Variants in STN1 observed in about 807,000 individuals in gnomAD.
STN1 encodes CST complex subunit STN1.
Under a neutral mutation model 45.5 loss-of-function variants are expected in STN1, and 29 were observed. That is an observed-to-expected ratio of 0.64 (90% CI 0.47 to 0.87). The LOEUF (loss-of-function observed/expected upper bound fraction) is 0.87, where lower values mean the gene tolerates loss of function less well. STN1 is among the 40% of genes least tolerant of loss of function. The probability of loss-of-function intolerance (pLI) is 0.00; values close to 1 mark genes in which losing one functional copy is unlikely to be tolerated. For synonymous variants in STN1, 148 were observed against 159.0 expected (o/e 0.93, Z 0.52); for missense variants, 376 against 441.4 (o/e 0.85, Z 1.33).
intron 3 of STN1, 59 bp downstream of exon 3, chr10:103,910,468 T>C (rs1237191972): frequency 8.4e-7 from 1 of 1,192,884 alleles, no homozygotes; most frequent in East Asian, 2.4e-5. Context: ...AAATCCAACT[T>C]TCAGCCCAGA....
At chr10:103,884,962 A>C (rs1324691974) in intron 9 of STN1, among the ~76,000 whole-genome samples, 1 of 152,084 alleles carries the variant, frequency 6.6e-6, no homozygotes, top group African/African-American at 2.4e-5. Flanking sequence ...CTTCCTGAAC[A>C]CCTACTATGT....
At position 103,882,418 on chromosome 10, in the gene STN1, G is replaced by A. The variant is rs968554561; in HGVS notation, c.*266C>T. 2.6e-5 allele frequency: 10 copies of A among 378,202 alleles called. No homozygotes were observed. Among genetic ancestry groups the A allele is most frequent in the African/African-American group, 1.2e-4 (6 of 49,098 alleles). The allele number at this position is 378,202 out of a possible 1,614,324, so 23.4% of individuals were successfully genotyped here. A position where few individuals can be genotyped will look rare whatever the true frequency, so the allele number is the denominator to read the frequency against. On this transcript the variant is annotated 3_prime_UTR_variant, in exon 10 of 10. Coordinates refer to ENST00000224950, the MANE Select transcript of STN1 (RefSeq NM_024928.5). ...CTCCCCATTCTGCTCTGCGAACAAC[G>A]CACAGTCCAGCCAGGAGCTCAACAG...
At chr10:103,889,947 C>T (rs1196602020) in intron 8 of STN1, among the ~76,000 whole-genome samples, 1 of 152,022 alleles carries the variant, frequency 6.6e-6, no homozygotes, top group Non-Finnish European at 1.5e-5. Flanking sequence ...CAAGTGATTC[C>T]ACCCGACTTG....
At chr10:103,915,131 T>A (rs1310489922) in intron 2 of STN1, among the ~76,000 whole-genome samples, 2 of 152,248 alleles carry the variant, frequency 1.3e-5, no homozygotes, top group Admixed American at 1.3e-4. Context: ...ACAAAGCTTC[T>A]GTGTCCTTGA....
At chr10:103,917,441 C>T (rs777813212) in intron 2 of STN1, 21 bp downstream of exon 2, 2 of 1,609,472 alleles carry the variant, frequency 1.2e-6, no homozygotes, top group Admixed American at 3.3e-5. Context: ...CCAGGGCATC[C>T]CAGGGTGGCT....
intron 9 of STN1, among the ~76,000 whole-genome samples, chr10:103,888,273 A>C (rs1843116694): frequency 6.6e-6 from 1 of 152,198 alleles, no homozygotes; most frequent in Admixed American, 6.5e-5. Flanking sequence ...CTGGAGGTGG[A>C]GTTCACTGGC....
rs1231033029 is a variant in STN1, at chr10:103,878,001, A to T, written c.*4683T>A. ...TACTTGGTTTCAGTCCTTGGCACTA[A>T]GTCTTAGGTTCCTTGTCACTGAACA... On this transcript the variant is annotated 3_prime_UTR_variant, in exon 10 of 10. Coordinates refer to ENST00000224950, the MANE Select transcript of STN1 (RefSeq NM_024928.5). 6.6e-6 allele frequency: 1 copy of T among 152,258 alleles called. No homozygotes were observed. Among genetic ancestry groups the T allele is most frequent in the Non-Finnish European group, 1.5e-5 (1 of 68,046 alleles). The allele number at this position is 152,258 out of a possible 1,614,324, so 9.4% of individuals were successfully genotyped here.
At chr10:103,896,959 T>C (rs1300017930) in intron 7 of STN1, among the ~76,000 whole-genome samples, 1 of 152,190 alleles carries the variant, frequency 6.6e-6, no homozygotes, top group African/African-American at 2.4e-5. Flanking sequence ...AGAAGCCAAG[T>C]GACAGGGAAG....
intron 3 of STN1, among the ~76,000 whole-genome samples, chr10:103,910,205 G>C (rs1469358647): frequency 4.6e-5 from 7 of 152,154 alleles, no homozygotes; most frequent in Non-Finnish European, 1.0e-4. Context: ...ACCACGCTTT[G>C]CTATTTACAG....
intron 2 of STN1, among the ~76,000 whole-genome samples, chr10:103,912,392 A>C (rs1359527143): frequency 6.6e-6 from 1 of 152,116 alleles, no homozygotes; most frequent in African/African-American, 2.4e-5. Flanking sequence ...TCACAATTGA[A>C]ACTTAGTCTT....
At chr10:103,897,759 T>C in intron 6 of STN1, 40 bp from the exon 7 acceptor site, 1 of 1,596,966 alleles carries the variant, frequency 6.3e-7, no homozygotes, top group Non-Finnish European at 8.5e-7. Context: ...CAGAAAACCA[T>C]CACCTTTGTT....
intron 4 of STN1, 126 bp from the exon 5 acceptor site, chr10:103,900,349 T>C: frequency 1.1e-6 from 1 of 912,808 alleles, no homozygotes; most frequent in Non-Finnish European, 1.6e-6. Flanking sequence ...TGAGTAATTG[T>C]TCTACTGTTG....
At chr10:103,908,481 G>A (rs933522017) in intron 3 of STN1, among the ~76,000 whole-genome samples, 2 of 152,232 alleles carry the variant, frequency 1.3e-5, no homozygotes, top group African/African-American at 4.8e-5. Flanking sequence ...CAGGCCTGCG[G>A]TGAGTCAGGG....
At chr10:103,887,045 A>G (rs1843107969) in intron 9 of STN1, among the ~76,000 whole-genome samples, 1 of 152,230 alleles carries the variant, frequency 6.6e-6, no homozygotes, top group South Asian at 2.1e-4. Context: ...AATGACTTCA[A>G]GTCCTTCTAC....
chr10:103,901,387 T>G (rs923336133), intron 4 of STN1, among the ~76,000 whole-genome samples: 2 of 152,196 alleles, frequency 1.3e-5, no homozygotes, highest in Non-Finnish European at 2.9e-5. Flanking sequence ...AAATTTTTAC[T>G]TTCGTTTTTT....
chr10:103,914,274 G>A (rs1428986613), intron 2 of STN1, among the ~76,000 whole-genome samples: 3 of 147,294 alleles, frequency 2.0e-5, no homozygotes, highest in African/African-American at 7.6e-5. Context: ...GTTTGACATG[G>A]ATAGAGATAT....
chr10:103,891,856 T>C (rs907136112), intron 8 of STN1, among the ~76,000 whole-genome samples: 2 of 152,170 alleles, frequency 1.3e-5, no homozygotes, highest in Non-Finnish European at 2.9e-5. Context: ...CCCTCATATG[T>C]GGGTTTCACA....
rs766336846 is a variant in STN1, at chr10:103,903,029, C to T, written c.295+2062G>A. 5.3e-5 allele frequency among the ~76,000 whole-genome samples: 8 copies of T among 152,260 alleles called. No individual in the cohort carries two copies. The South Asian group carries it at 6.2e-4, about 12-fold the overall frequency. The stretch of plus-strand genomic sequence containing the variant: ...TAAGAATTATATATTCCTGATGATG[C>T]TATTTCTTTAAAAAGAGTTAATTTT... On this transcript the variant is annotated intron_variant, in intron 4 of 9. Coordinates refer to ENST00000224950, the MANE Select transcript of STN1 (RefSeq NM_024928.5).
rs1347928872 is a variant in STN1, at chr10:103,878,319, C to T, written c.*4365G>A. Reference sequence around the variant, plus strand: ...GGAACCCTCTGGCTGGTCTTCAGTACATGAGCAGTGACCCAGCTGTGGTTA... The same window carrying T: ...GGAACCCTCTGGCTGGTCTTCAGTATATGAGCAGTGACCCAGCTGTGGTTA... On this transcript the variant is annotated 3_prime_UTR_variant, in exon 10 of 10. Coordinates refer to ENST00000224950, the MANE Select transcript of STN1 (RefSeq NM_024928.5). 1 of 152,222 alleles carries T rather than the reference C, an allele frequency of 6.6e-6. No homozygotes were observed. Among genetic ancestry groups the T allele is most frequent in the Admixed American group, 6.5e-5 (1 of 15,282 alleles). The allele number at this position is 152,222 out of a possible 1,614,324, so 9.4% of individuals were successfully genotyped here. A position where few individuals can be genotyped will look rare whatever the true frequency, so the allele number is the denominator to read the frequency against.
Sources: gnomAD v4.1 joint callset for allele counts (sites outside exome capture counted in the v4.1 genomes callset) on GRCh38, gnomAD v4.1.1 for gene constraint, MANE v1.5 for transcripts, NCBI Gene and HGNC (gene_info 2026-07-23, HGNC 2026-07-21) for gene names.